The following SEC14L1 variants were observed in gnomAD, a reference collection of about 807,000 sequenced individuals.
SEC14L1 encodes the protein SEC14-like protein 1.
In SEC14L1, 48 loss-of-function variants were observed where a neutral mutation model predicts 85.3. The ratio of observed to expected loss-of-function variants is 0.56; its 90% confidence interval spans 0.45 to 0.72. The LOEUF (loss-of-function observed/expected upper bound fraction) is 0.72, where lower values mean the gene tolerates loss of function less well. Among genes scored for constraint, SEC14L1 ranks in the 30% least tolerant of loss-of-function variants. The pLI is 0.00. For synonymous variants in SEC14L1, 391 were observed against 355.5 expected, an observed-to-expected ratio of 1.10 and a Z score of -1.12; for missense variants, 682 against 921.4, an observed-to-expected ratio of 0.74 and a Z score of 3.36.
At chr17:77,108,725 C>T (rs1036822833) in intron 3 of SEC14L1, among the ~76,000 whole-genome samples, 3 of 146,642 alleles carry the variant, frequency 2.0e-5, no homozygotes, top group African/African-American at 7.6e-5. Flanking sequence ...GCCGACAGAG[C>T]CAGGCTCTGT....
At chr17:77,204,522 CTTTTT>C (rs745921636) in intron 10 of SEC14L1, among the ~76,000 whole-genome samples, 11 of 84,734 alleles carry the variant, frequency 1.3e-4, no homozygotes, top group African/African-American at 3.6e-4. Flanking sequence ...GCCCAGCCAG[CTTTTT>C]TTTTTTTTTT....
At chr17:77,096,432 CT>C (rs1339783456) in intron 3 of SEC14L1, among the ~76,000 whole-genome samples, 1 of 151,698 alleles carries the variant, frequency 6.6e-6, no homozygotes, top group Non-Finnish European at 1.5e-5. Context: ...TGTTGCGTAC[CT>C]ATAATCCCAG....
At chr17:77,167,838 A>G (rs1405290908) in intron 3 of SEC14L1, among the ~76,000 whole-genome samples, 2 of 152,246 alleles carry the variant, frequency 1.3e-5, no homozygotes, top group African/African-American at 4.8e-5. Context: ...GTTGGGAACA[A>G]GTAAGCGGTG....
intron 3 of SEC14L1, among the ~76,000 whole-genome samples, chr17:77,115,763 A>G (rs1972156895): frequency 1.3e-5 from 2 of 152,220 alleles, no homozygotes; most frequent in Admixed American, 1.3e-4. Flanking sequence ...CAAAATCAGC[A>G]CTGAGAGAGG....
At chr17:77,133,577 G>A (rs1057050317) in intron 3 of SEC14L1, among the ~76,000 whole-genome samples, 22 of 152,198 alleles carry the variant, frequency 1.4e-4, no homozygotes, top group Middle Eastern at 3.4e-3. Context: ...GCCTTTACGC[G>A]GCACCCATCA....
chr17:77,134,095 G>A (rs755763587), intron 3 of SEC14L1, among the ~76,000 whole-genome samples: 7 of 152,030 alleles, frequency 4.6e-5, no homozygotes, highest in Admixed American at 6.6e-5. Flanking sequence ...CTGCTGCAGC[G>A]CTGCGGTCCC....
At chr17:77,088,907 T>A (rs61754922) in exon 1 of SEC14L1, 6,841 of 159,850 alleles carry the variant, frequency 0.043, 528 homozygotes, top group African/African-American at 0.15. Flanking sequence ...CCAGACCCCC[T>A]CCACGGCGCC....
Position 77,214,207 on chromosome 17 carries a change from G to T in SEC14L1, c.*184G>T. Reference sequence around the variant, plus strand: ...TACCTTGGCAGGTAGTTTTAACTCTGATCCTAACTTAACTCAATAGCCATA... The same window carrying T: ...TACCTTGGCAGGTAGTTTTAACTCTTATCCTAACTTAACTCAATAGCCATA... On this transcript the variant is annotated 3_prime_UTR_variant, in exon 17 of 17. Transcript: ENST00000436233. 7.2e-7 allele frequency: 1 copy of T among 1,398,538 alleles called. No homozygotes were observed. The allele number at this position is 1,398,538 out of a possible 1,614,324, so 86.6% of individuals were successfully genotyped here.
Position 77,214,338 on chromosome 17 carries a change from A to T in SEC14L1, c.*315A>T, listed in dbSNP as rs1294768721. The T allele has an allele frequency of 4.6e-6, 5 of 1,089,470 alleles. No homozygotes were observed. The highest frequency in any genetic ancestry group is 5.6e-6 in the Non-Finnish European group (5 of 894,250). The allele number at this position is 1,089,470 out of a possible 1,614,324, so 67.5% of individuals were successfully genotyped here. ...AGGATTGACGTGGTCTCAGATATTG[A>T]TGCAAAAAATTTTTCCAACGAACTC... On this transcript the variant is annotated 3_prime_UTR_variant, in exon 17 of 17. Coordinates refer to ENST00000436233, the MANE Select transcript of SEC14L1 (RefSeq NM_001143998.2).
chr17:77,191,798 AATTT>A (rs1975554671), intron 5 of SEC14L1, among the ~76,000 whole-genome samples: 2 of 135,758 alleles, frequency 1.5e-5, no homozygotes, highest in South Asian at 4.6e-4. Flanking sequence ...CCCTTGGCCT[AATTT>A]TTTTTTTTTT....
At chr17:77,102,512 TC>T (rs1472014632) in intron 3 of SEC14L1, among the ~76,000 whole-genome samples, 3 of 152,184 alleles carry the variant, frequency 2.0e-5, no homozygotes, top group African/African-American at 7.2e-5. Flanking sequence ...TTTCTTTTTT[TC>T]TTTTTTTTGA....
Position 77,090,452 on chromosome 17 carries a change from C to T in SEC14L1, c.-240+1181C>T, listed in dbSNP as rs990203811. On this transcript the variant is annotated intron_variant, in intron 2 of 19. Coordinates refer to the SEC14L1 transcript ENST00000392476. ...GGAGGATCACTTGAGCTCAGGAGTT[C>T]GCGACCAGCCTGGGCAACATAGTAA... is the stretch of plus-strand genomic sequence containing the variant. 9.5e-5 allele frequency among the ~76,000 whole-genome samples: 14 copies of T among 146,824 alleles called. No individual in the cohort carries two copies. The East Asian group carries it at 1.4e-3, about 15-fold the overall frequency.
At chr17:77,127,218 T>C (rs557001083) in intron 3 of SEC14L1, among the ~76,000 whole-genome samples, 3 of 152,040 alleles carry the variant, frequency 2.0e-5, no homozygotes, top group East Asian at 1.9e-4. Context: ...CTCCCACTTA[T>C]GAGTGAGAAC....
intron 3 of SEC14L1, among the ~76,000 whole-genome samples, chr17:77,147,185 C>T (rs984691696): frequency 2.0e-5 from 3 of 152,154 alleles, no homozygotes; most frequent in African/African-American, 7.2e-5. Context: ...TGGGAGAAAA[C>T]GCCTCACTCA....
chr17:77,152,196 CT>C (rs1182245573), intron 3 of SEC14L1, among the ~76,000 whole-genome samples: 3 of 151,762 alleles, frequency 2.0e-5, no homozygotes, highest in Admixed American at 6.6e-5. Flanking sequence ...CTAAGGCAGA[CT>C]TTTTTTTAAA....
chr17:77,092,896 C>T (rs1258041807), intron 2 of SEC14L1, among the ~76,000 whole-genome samples: 1 of 149,054 alleles, frequency 6.7e-6, no homozygotes, highest in East Asian at 2.0e-4. Flanking sequence ...TGCGGTGAGC[C>T]GAGATCACGC....
chr17:77,194,783 C>A lies in SEC14L1; in HGVS notation c.581C>A (p.Ser194Ter). ...PSITTSSETS[S>*]SSSKKQAASM... ...ATCACGACCTCTTCAGAGACATCTT[C>A]ATCATCCTCCAAGAAACAAGCAGCG... Residue 194 changes from serine to a stop codon, truncating the protein, a stop_gained, in exon 7 of 17, where the codon TCA becomes TAA. Coordinates refer to ENST00000436233, the MANE Select transcript of SEC14L1 (RefSeq NM_001143998.2). LOFTEE classifies it high-confidence loss of function. 6.2e-7 allele frequency: 1 copy of A among 1,614,170 alleles called. No homozygotes were observed. Among genetic ancestry groups the A allele is most frequent in the Non-Finnish European group, 8.5e-7 (1 of 1,179,996 alleles).
intron 3 of SEC14L1, among the ~76,000 whole-genome samples, chr17:77,104,430 C>CTT (rs111712879): frequency 0.016 from 2,219 of 135,930 alleles, 61 homozygotes; most frequent in South Asian, 0.049. Context: ...CTTGTGTTTA[C>CTT]TTTTTTTTTT....
At chr17:77,175,483 C>G (rs1974712518) in intron 3 of SEC14L1, among the ~76,000 whole-genome samples, 1 of 152,208 alleles carries the variant, frequency 6.6e-6, no homozygotes, top group Non-Finnish European at 1.5e-5. Context: ...ATAACTGTTG[C>G]TATGCAACCC....
Sources: gnomAD v4.1 joint callset for allele counts (sites outside exome capture counted in the v4.1 genomes callset) on GRCh38, gnomAD v4.1.1 for gene constraint, MANE v1.5 for transcripts, NCBI Gene and HGNC (gene_info 2026-07-23, HGNC 2026-07-21) for gene names.